TENM4: variants seen among roughly 807,000 people sequenced by gnomAD.
TENM4 encodes the protein teneurin-4.
Under a neutral mutation model 243.3 loss-of-function variants are expected in TENM4, and 82 were observed. That is an observed-to-expected ratio of 0.34 (90% confidence interval 0.28 to 0.40). The LOEUF (loss-of-function observed/expected upper bound fraction) is 0.40, where lower values mean the gene tolerates loss of function less well. Among genes scored for constraint, TENM4 ranks in the 10% least tolerant of loss-of-function variants. The probability of loss-of-function intolerance (pLI) is 1.00; values close to 1 mark genes in which losing one functional copy is unlikely to be tolerated. For missense variants in TENM4, 3,138 were observed against 3,673.3 expected, an observed-to-expected ratio of 0.85 and a Z score of 3.77; for synonymous variants, 1,412 against 1,456.3, an observed-to-expected ratio of 0.97 and a Z score of 0.69.
intron 6 of TENM4, among the ~76,000 whole-genome samples, chr11:78,971,638 A>C (rs1391313634): frequency 1.3e-5 from 2 of 152,176 alleles, no homozygotes; most frequent in Admixed American, 6.5e-5. Context: ...TATTAGTAGT[A>C]TAATTTAGTA....
Position 78,831,439 on chromosome 11 carries a change from T to C in TENM4, c.1682-17044A>G, listed in dbSNP as rs1303601375. ...TCTGCCCTCTACTCTCACAGTCTGA[T>C]GCACAATGTGCTAAGTGCTTGCGGT... On this transcript the variant is annotated intron_variant, in intron 12 of 33. Coordinates refer to ENST00000278550, the MANE Select transcript of TENM4 (RefSeq NM_001098816.3). Among the ~76,000 whole-genome samples the C allele has an allele frequency of 2.6e-5, 4 of 152,250 alleles. No homozygotes were observed. In the East Asian group the frequency reaches 7.7e-4, roughly 29 times the overall value.
intron 4 of TENM4, among the ~76,000 whole-genome samples, chr11:79,145,156 T>C (rs1248974405): frequency 1.3e-5 from 2 of 152,132 alleles, no homozygotes; most frequent in Non-Finnish European, 2.9e-5. Context: ...TAGAGGGACA[T>C]GTAACTGAAG....
At position 79,423,721 on chromosome 11, in the gene TENM4, A is replaced by G. The variant is rs143502505; in HGVS notation, c.-321+16788T>C. ...GGCCAGAACCAAATCTCCTGTTTCC[A>G]GGAGCTGAGGATTTAGAAGAGTCTC... On this transcript the variant is annotated intron_variant, in intron 1 of 33. Transcript: ENST00000278550. Among the ~76,000 whole-genome samples the G allele has an allele frequency of 3.9e-3, 596 of 152,160 alleles. 2 individuals carry two copies. The highest frequency in any genetic ancestry group is 6.5e-3 in the Non-Finnish European group (445 of 68,018).
At chr11:79,189,324 C>T (rs1246743798) in intron 3 of TENM4, among the ~76,000 whole-genome samples, 1 of 152,114 alleles carries the variant, frequency 6.6e-6, no homozygotes, top group Non-Finnish European at 1.5e-5. Flanking sequence ...GGCAGTTAGC[C>T]ACCATCTCTC....
chr11:79,025,891 C>A (rs193243998), intron 6 of TENM4, among the ~76,000 whole-genome samples: 1 of 152,270 alleles, frequency 6.6e-6, no homozygotes, highest in African/African-American at 2.4e-5. Flanking sequence ...ACGGGGCTGG[C>A]TCCGGGACAC....
rs1362829379 is a variant in TENM4 at position 78,669,690 on chromosome 11, G to A, written c.6655C>T (p.Leu2219Phe). ...DKPLWRYSYDLNGNLHLLSPG... is the reference protein window; with the variant it reads ...DKPLWRYSYDFNGNLHLLSPG... ...CTCAGTAAGTGCAGGTTCCCATTGAGGTCGTAGCTGTAGCGCCAGAGTGGC... is the reference window on the plus strand; with the variant it reads ...CTCAGTAAGTGCAGGTTCCCATTGAAGTCGTAGCTGTAGCGCCAGAGTGGC... Residue 2219 changes from leucine to phenylalanine, a missense_variant, in exon 32 of 34, where the codon CTC becomes TTC. This residue lies in a region of TENM4 where 2,467 missense variants were observed against 3,059.1 expected (regional missense o/e 0.81). Transcript: ENST00000278550. The surrounding 1 kb of genome is among the most constrained non-coding windows in gnomAD (Gnocchi z 6.4). 5 of 1,614,036 alleles carry A rather than the reference G, an allele frequency of 3.1e-6. No individual in the cohort carries two copies. The highest frequency in any genetic ancestry group is 4.2e-6 in the Non-Finnish European group (5 of 1,179,898).
intron 3 of TENM4, among the ~76,000 whole-genome samples, chr11:79,153,685 A>T (rs1389760961): frequency 1.3e-5 from 2 of 152,162 alleles, no homozygotes; most frequent in Non-Finnish European, 2.9e-5. Context: ...AGCATCTGCC[A>T]TGTACGAGGC....
intron 25 of TENM4, 91 bp from the exon 26 acceptor site, chr11:78,712,805 T>A: frequency 2.4e-6 from 3 of 1,227,168 alleles, no homozygotes; most frequent in Admixed American, 2.3e-5. Flanking sequence ...CCCTTTAGAA[T>A]CCAAGCAAAA....
At chr11:78,976,529 T>G (rs1362028895) in intron 6 of TENM4, among the ~76,000 whole-genome samples, 1 of 152,264 alleles carries the variant, frequency 6.6e-6, no homozygotes, top group Non-Finnish European at 1.5e-5. Flanking sequence ...TCCATGAACT[T>G]GATCACTGCG....
chr11:79,283,213 AACACACACACACAC>A (rs33993080), intron 2 of TENM4, among the ~76,000 whole-genome samples: 2 of 136,038 alleles, frequency 1.5e-5, no homozygotes, highest in East Asian at 4.3e-4. Context: ...CACACACACA[AACACACACACACAC>A]ACACACACAC....
intron 2 of TENM4, among the ~76,000 whole-genome samples, chr11:79,246,666 T>C (rs1030790822): frequency 2.0e-5 from 3 of 152,174 alleles, no homozygotes; most frequent in Non-Finnish European, 4.4e-5. Context: ...TACAGAGAGA[T>C]ATGTATTGGA....
At chr11:78,873,262 A>G (rs571483216) in intron 9 of TENM4, among the ~76,000 whole-genome samples, 2 of 152,284 alleles carry the variant, frequency 1.3e-5, no homozygotes, top group African/African-American at 4.8e-5. Context: ...TTAGTCTTTA[A>G]CTAAAACTAG....
intron 12 of TENM4, among the ~76,000 whole-genome samples, chr11:78,845,501 C>T (rs973005379): frequency 1.6e-4 from 24 of 152,150 alleles, no homozygotes; most frequent in African/African-American, 5.3e-4. Context: ...GTCAGCTCTA[C>T]CCCCAACTGT....
intron 1 of TENM4, among the ~76,000 whole-genome samples, chr11:79,337,774 T>C (rs1372420669): frequency 1.3e-5 from 2 of 152,174 alleles, no homozygotes; most frequent in African/African-American, 4.8e-5. Context: ...CTCTGAGACC[T>C]TATCACAGCC....
chr11:79,023,231 G>A (rs1250493781), intron 6 of TENM4, among the ~76,000 whole-genome samples: 1 of 152,008 alleles, frequency 6.6e-6, no homozygotes, highest in Admixed American at 6.6e-5. Context: ...CCTCACATTA[G>A]GGATAAATGA....
At chr11:79,049,521 G>A (rs1859744546) in intron 6 of TENM4, among the ~76,000 whole-genome samples, 1 of 152,228 alleles carries the variant, frequency 6.6e-6, no homozygotes. Flanking sequence ...AGTTAACATA[G>A]CAGGCCGAAG....
At chr11:78,720,660 C>T (rs1400417937) in intron 24 of TENM4, among the ~76,000 whole-genome samples, 1 of 152,190 alleles carries the variant, frequency 6.6e-6, no homozygotes, top group Non-Finnish European at 1.5e-5. Flanking sequence ...TAGGTTGACA[C>T]ATTCTGCTGC....
At chr11:78,719,060 T>A (rs549369462) in intron 25 of TENM4, among the ~76,000 whole-genome samples, 18 of 152,174 alleles carry the variant, frequency 1.2e-4, no homozygotes, top group Non-Finnish European at 2.1e-4. Flanking sequence ...ATGTTATCAT[T>A]ATTATTACTA....
At chr11:78,978,500 A>C (rs1210619900) in intron 6 of TENM4, among the ~76,000 whole-genome samples, 1 of 152,112 alleles carries the variant, frequency 6.6e-6, no homozygotes, top group Admixed American at 6.5e-5. Flanking sequence ...AGACAGACTA[A>C]AGTTAGTTGG....
Sources: allele counts gnomAD v4.1 joint callset (sites outside exome capture counted in the v4.1 genomes callset), GRCh38; gene constraint gnomAD v4.1.1; regional missense constraint gnomAD v4.1.1; non-coding constraint Gnocchi (gnomAD v3.1); transcripts MANE v1.5; gene names NCBI Gene and HGNC (gene_info 2026-07-23, HGNC 2026-07-21).